EIF2AK1: variants seen among roughly 807,000 people sequenced by gnomAD.
EIF2AK1 encodes eukaryotic translation initiation factor 2 alpha kinase 1.
In EIF2AK1, 54 loss-of-function variants were observed where a neutral mutation model predicts 77.9. The ratio of observed to expected loss-of-function variants is 0.69; its 90% confidence interval spans 0.56 to 0.87. The LOEUF (loss-of-function observed/expected upper bound fraction) is 0.87, where lower values mean the gene tolerates loss of function less well. EIF2AK1 is among the 40% of genes least tolerant of loss of function. The pLI, the probability that EIF2AK1 is intolerant of heterozygous loss-of-function variation, is 0.00. For missense variants in EIF2AK1, 810 were observed against 768.6 expected, an observed-to-expected ratio of 1.05 and a Z score of -0.64; for synonymous variants, 314 against 290.5, an observed-to-expected ratio of 1.08 and a Z score of -0.82.
intron 1 of EIF2AK1, among the ~76,000 whole-genome samples, chr7:6,056,545 G>C (rs935503352): frequency 2.1e-5 from 3 of 142,988 alleles, no homozygotes; most frequent in Non-Finnish European, 4.5e-5. Flanking sequence ...AGTGAGCCGA[G>C]ATCGCGCGAC....
intron 4 of EIF2AK1, chr7:6,047,292 C>T (rs935872361): frequency 4.4e-6 from 3 of 684,232 alleles, no homozygotes; most frequent in Non-Finnish European, 8.1e-6. Context: ...ACGGGTATTC[C>T]AAGTAGAAAT....
Position 6,027,926 on chromosome 7 carries a change from G to A in EIF2AK1, c.1530+689C>T, listed in dbSNP as rs1034558564. On this transcript the variant is annotated intron_variant, in intron 13 of 14. Transcript: ENST00000199389. This position sits in a 1 kb window ranked among gnomAD's most constrained non-coding sequence, Gnocchi z 4.5. ...TAATTTTTTTTATTAGCTGGGTGTG[G>A]TAGCACAACTCTTGAAGTCACAGTT... The A allele has an allele frequency of 2.2e-6, 1 of 453,590 alleles. No individual in the cohort carries two copies. The highest frequency in any genetic ancestry group is 2.0e-5 in the African/African-American group (1 of 49,928). The allele number at this position is 453,590 out of a possible 1,614,324, so 28.1% of individuals were successfully genotyped here.
In EIF2AK1 at chr7:6,024,667, C is replaced by A; in HGVS notation, c.*6G>T. ...CAGTTAACTACCTTAAAAGTTAAGT[C>A]CACTTTCATCCCACGCCCCCATCCT... On this transcript the variant is annotated 3_prime_UTR_variant, in exon 15 of 15. Coordinates refer to ENST00000199389, the MANE Select transcript of EIF2AK1 (RefSeq NM_014413.4). The A allele has an allele frequency of 6.2e-7, 1 of 1,613,844 alleles. No homozygotes were observed. The highest frequency in any genetic ancestry group is 8.5e-7 in the Non-Finnish European group (1 of 1,179,934).
chr7:6,024,883 G>C, intron 14 of EIF2AK1, 82 bp from the exon 15 acceptor site: 1 of 1,104,226 alleles, frequency 9.1e-7, no homozygotes, highest in Non-Finnish European at 1.2e-6. Flanking sequence ...CTGTCGCCCA[G>C]GCTGGAGTAC....
chr7:6,056,613 A>ATATATAT lies in EIF2AK1; in HGVS notation c.119-1910_119-1909insATATATA, dbSNP rs1554324681. ...CATCTCAAGGGAAAAAAAAAAAAAA[A>ATATATAT]ATATATATATATATATATATATAAA... is the stretch of plus-strand genomic sequence containing the variant. On this transcript the variant is annotated intron_variant, in intron 1 of 14. Coordinates refer to ENST00000199389, the MANE Select transcript of EIF2AK1 (RefSeq NM_014413.4). Among the ~76,000 whole-genome samples, 15 of 43,736 alleles carry ATATATAT rather than the reference A, an allele frequency of 3.4e-4. 1 individual carries two copies. Among genetic ancestry groups the ATATATAT allele is most frequent in the African/African-American group, 5.8e-4 (7 of 12,156 alleles). The allele number at this position is 43,736 out of a possible 152,430, so 28.7% of individuals were successfully genotyped here. A position where few individuals can be genotyped will look rare whatever the true frequency, so the allele number is the denominator to read the frequency against.
At chr7:6,037,835 G>C (rs1378994697) in intron 10 of EIF2AK1, among the ~76,000 whole-genome samples, 1 of 151,410 alleles carries the variant, frequency 6.6e-6, no homozygotes, top group East Asian at 1.9e-4. Flanking sequence ...TCGGGTATCA[G>C]GCAACTAGAG....
rs1423923949 is a variant in EIF2AK1, at chr7:6,032,999, C to T, written c.1333-3967G>A. 13 of 1,397,438 alleles carry T rather than the reference C, an allele frequency of 9.3e-6. No individual in the cohort carries two copies. The highest frequency in any genetic ancestry group is 1.3e-5 in the Non-Finnish European group (13 of 1,022,440). 86.6% of individuals were successfully genotyped at this position (1,397,438 alleles called of 1,614,324 possible). Reference sequence around the variant, plus strand: ...CTTTTTTGTTTTGAGGCAGGGGTCTCGCTCTGTTGCCCAGGCTGGAGTGCA... The same window carrying T: ...CTTTTTTGTTTTGAGGCAGGGGTCTTGCTCTGTTGCCCAGGCTGGAGTGCA... On this transcript the variant is annotated intron_variant, in intron 11 of 14. Coordinates refer to ENST00000199389, the MANE Select transcript of EIF2AK1 (RefSeq NM_014413.4). The surrounding 1 kb of genome is among the most constrained non-coding windows in gnomAD (Gnocchi z 4.3).
Position 6,036,146 on chromosome 7 carries a change from TC to T in EIF2AK1, c.1332+1277del. 6.4e-7 allele frequency: 1 copy of T among 1,550,410 alleles called. No individual in the cohort carries two copies. Among genetic ancestry groups the T allele is most frequent in the Non-Finnish European group, 8.7e-7 (1 of 1,146,882 alleles). ...TGGCCAGGCTACTTTATCACACTTA[TC>T]CTCTGAGAATGACCAATAACCAAGG... On this transcript the variant is annotated intron_variant, in intron 11 of 14. Transcript: ENST00000199389. This position sits in a 1 kb window ranked among gnomAD's most constrained non-coding sequence, Gnocchi z 4.6.
At position 6,048,800 on chromosome 7, in the gene EIF2AK1, C is replaced by G; in HGVS notation, c.449+7G>C. The G allele has an allele frequency of 6.3e-7, 1 of 1,584,668 alleles. No individual in the cohort carries two copies. The highest frequency in any genetic ancestry group is 8.5e-7 in the Non-Finnish European group (1 of 1,170,294). Reference sequence around the variant, plus strand: ...TCTGCATAATCAAGAAAGTTTTTCACACATACCTGATTTTCTGGATACGAG... The same window carrying G: ...TCTGCATAATCAAGAAAGTTTTTCAGACATACCTGATTTTCTGGATACGAG... On this transcript the variant is annotated splice_region_variant and intron_variant, in intron 4 of 14. Transcript: ENST00000199389.
In EIF2AK1 at chr7:6,022,853, A is replaced by T. The variant is rs925767832; in HGVS notation, c.*1820T>A. ...AAAGATAGGATGTTATGTATTGACT[A>T]TCCCACAGATGTATGCCTCTTCTGG... On this transcript the variant is annotated 3_prime_UTR_variant, in exon 15 of 15. Coordinates refer to ENST00000199389, the MANE Select transcript of EIF2AK1 (RefSeq NM_014413.4). 1 of 163,190 alleles carries T rather than the reference A, an allele frequency of 6.1e-6. No individual in the cohort carries two copies. The highest frequency in any genetic ancestry group is 2.4e-5 in the African/African-American group (1 of 41,610). 10.1% of individuals were successfully genotyped at this position (163,190 alleles called of 1,614,324 possible).
At position 6,045,147 on chromosome 7, in the gene EIF2AK1, G is replaced by T. The variant is rs1414912266; in HGVS notation, c.631-486C>A. Among the ~76,000 whole-genome samples, 5 of 148,496 alleles carry T rather than the reference G, an allele frequency of 3.4e-5. No homozygotes were observed. The East Asian group carries it at 7.9e-4, about 23-fold the overall frequency. On this transcript the variant is annotated intron_variant, in intron 6 of 14. Coordinates refer to ENST00000199389, the MANE Select transcript of EIF2AK1 (RefSeq NM_014413.4). ...TTTTGAGACAGAGTCTCACTCTGTT[G>T]CCCAGGCTGGAGTGAAGTGATGCCA... is the stretch of plus-strand genomic sequence containing the variant.
chr7:6,054,933 G>C (rs1427410721), intron 1 of EIF2AK1, among the ~76,000 whole-genome samples: 1 of 152,158 alleles, frequency 6.6e-6, no homozygotes, highest in Non-Finnish European at 1.5e-5. Context: ...AGACAGAGGA[G>C]AAACAGTTTT....
At position 6,024,418 on chromosome 7, in the gene EIF2AK1, A is replaced by C; in HGVS notation, c.*255T>G. 7.4e-7 allele frequency: 1 copy of C among 1,346,706 alleles called. No homozygotes were observed. Among genetic ancestry groups the C allele is most frequent in the South Asian group, 1.6e-5 (1 of 62,606 alleles). 83.4% of individuals were successfully genotyped at this position (1,346,706 alleles called of 1,614,324 possible). A position where few individuals can be genotyped will look rare whatever the true frequency, so the allele number is the denominator to read the frequency against. On this transcript the variant is annotated 3_prime_UTR_variant, in exon 15 of 15. Transcript: ENST00000199389. ...CCAGACAGAGGGTCAACAGAGTTGA[A>C]AGGAGAAAATAATTGAGGATGAGGT... is the stretch of plus-strand genomic sequence containing the variant.
At chr7:6,047,485 C>T (rs1471755747) in intron 4 of EIF2AK1, among the ~76,000 whole-genome samples, 1 of 151,972 alleles carries the variant, frequency 6.6e-6, no homozygotes, top group Non-Finnish European at 1.5e-5. Flanking sequence ...CCAGCCTGGC[C>T]AACATGGTAA....
At position 6,032,550 on chromosome 7, in the gene EIF2AK1, G is replaced by A. The variant is rs374532121; in HGVS notation, c.1333-3518C>T. Among the ~76,000 whole-genome samples the A allele has an allele frequency of 6.6e-6, 1 of 152,192 alleles. No individual in the cohort carries two copies. Among genetic ancestry groups the A allele is most frequent in the Non-Finnish European group, 1.5e-5 (1 of 68,034 alleles). ...AAGTACCCTTAATATCACACCACAGGCTCTTCTGAAGAATCAACTTTCAAA... is the reference window on the plus strand; with the variant it reads ...AAGTACCCTTAATATCACACCACAGACTCTTCTGAAGAATCAACTTTCAAA... On this transcript the variant is annotated intron_variant, in intron 11 of 14. Transcript: ENST00000199389. The surrounding 1 kb of genome is among the most constrained non-coding windows in gnomAD (Gnocchi z 4.3).
At chr7:6,038,903 C>T (rs1322801648) in intron 9 of EIF2AK1, among the ~76,000 whole-genome samples, 4 of 151,960 alleles carry the variant, frequency 2.6e-5, no homozygotes, top group East Asian at 3.9e-4. Context: ...TAATTAAAAC[C>T]GGGTGTTGTA....
At chr7:6,043,728 T>G (rs1236399226) in intron 7 of EIF2AK1, among the ~76,000 whole-genome samples, 1 of 151,674 alleles carries the variant, frequency 6.6e-6, no homozygotes, top group Admixed American at 6.6e-5. Flanking sequence ...TGCCCCCAGC[T>G]AACTTTAAAT....
At chr7:6,041,409 T>C (rs1788293680) in intron 8 of EIF2AK1, among the ~76,000 whole-genome samples, 190 bp from the exon 9 acceptor site, 2 of 151,844 alleles carry the variant, frequency 1.3e-5, no homozygotes, top group South Asian at 2.1e-4. Context: ...TATGGTGGCA[T>C]ACGCCTGTAA....
Position 6,023,205 on chromosome 7 carries a change from C to T in EIF2AK1, c.*1468G>A, listed in dbSNP as rs1336021321. 8 of 1,349,232 alleles carry T rather than the reference C, an allele frequency of 5.9e-6. No individual in the cohort carries two copies. Among genetic ancestry groups the T allele is most frequent in the Non-Finnish European group, 1.0e-6 (1 of 1,001,098 alleles). 83.6% of individuals were successfully genotyped at this position (1,349,232 alleles called of 1,614,324 possible). On this transcript the variant is annotated 3_prime_UTR_variant, in exon 15 of 15. Coordinates refer to ENST00000199389, the MANE Select transcript of EIF2AK1 (RefSeq NM_014413.4). ...TTGAAAACACCCTTTCCCATGTCAT[C>T]AGTCTGTGGTGTTTGGTGACTGTCC...
Sources: allele counts gnomAD v4.1 joint callset (sites outside exome capture counted in the v4.1 genomes callset), GRCh38; gene constraint gnomAD v4.1.1; non-coding constraint Gnocchi (gnomAD v3.1); transcripts MANE v1.5; gene names NCBI Gene and HGNC (gene_info 2026-07-23, HGNC 2026-07-21).